Variants in SGK3 observed in about 807,000 individuals in gnomAD.
The protein encoded by SGK3 is serine/threonine-protein kinase Sgk3.
A neutral mutation model predicts 68.5 loss-of-function variants in SGK3; 47 were observed. That is an observed-to-expected ratio of 0.69 (90% confidence interval 0.54 to 0.87). The LOEUF is 0.87. Among genes scored for constraint, SGK3 ranks in the 40% least tolerant of loss-of-function variants. SGK3 has a pLI of 0.00. For missense variants in SGK3, 479 were observed against 575.5 expected (o/e 0.83, Z 1.72); for synonymous variants, 181 against 189.1 (o/e 0.96, Z 0.35).
At chr8:66,718,418 A>ATG (rs200591148) in intron 1 of SGK3, among the ~76,000 whole-genome samples, 3,573 of 150,786 alleles carry the variant, frequency 0.024, 57 homozygotes, top group Admixed American at 0.044. Context: ...AAATATATAT[A>ATG]TGTGTATATA....
At chr8:66,831,556 C>T (rs1809302505) in intron 8 of SGK3, among the ~76,000 whole-genome samples, 2 of 152,130 alleles carry the variant, frequency 1.3e-5, no homozygotes, top group South Asian at 4.1e-4. Flanking sequence ...CCAGGCTGGT[C>T]TCAAATTTCT....
At position 66,861,942 on chromosome 8, in the gene SGK3, A is replaced by G. The variant is rs1810756349; in HGVS notation, c.*2361A>G. ...CAATATTGTATATTTTTAAGAACAAATTTAAAATAGAATTTTGATGTTTCT... is the reference window on the plus strand; with the variant it reads ...CAATATTGTATATTTTTAAGAACAAGTTTAAAATAGAATTTTGATGTTTCT... On this transcript the variant is annotated 3_prime_UTR_variant, in exon 17 of 17. Transcript: ENST00000521198. 2 of 152,192 alleles carry G rather than the reference A, an allele frequency of 1.3e-5. No homozygotes were observed. The highest frequency in any genetic ancestry group is 2.9e-5 in the Non-Finnish European group (2 of 68,040). The allele number at this position is 152,192 out of a possible 1,614,324, so 9.4% of individuals were successfully genotyped here.
rs370568288 is a variant in SGK3 at position 66,713,771 on chromosome 8, G to A, written c.-122+938G>A. On this transcript the variant is annotated intron_variant, in intron 1 of 16. Coordinates refer to ENST00000521198, the MANE Select transcript of SGK3 (RefSeq NM_001033578.3). The stretch of plus-strand genomic sequence containing the variant: ...AACTTATCATATTATAGCGGTTCTA[G>A]CAATGAAGAGGCTATCCATACTTTA... Among the ~76,000 whole-genome samples the A allele has an allele frequency of 3.3e-5, 5 of 152,258 alleles. No homozygotes were observed. In the South Asian group the frequency reaches 8.3e-4, roughly 25 times the overall value.
chr8:66,756,028 G>A (rs1805963805), intron 1 of SGK3, among the ~76,000 whole-genome samples: 1 of 152,066 alleles, frequency 6.6e-6, no homozygotes, highest in Non-Finnish European at 1.5e-5. Context: ...GACTGTATTT[G>A]GAGACAGGAT....
intron 1 of SGK3, among the ~76,000 whole-genome samples, chr8:66,745,829 G>A (rs1047948575): frequency 2.4e-4 from 37 of 152,150 alleles, no homozygotes; most frequent in Admixed American, 1.8e-3. Flanking sequence ...CAGAAGGGAA[G>A]AATACTGTGT....
At chr8:66,724,279 C>T (rs1275609171) in intron 1 of SGK3, among the ~76,000 whole-genome samples, 4 of 152,140 alleles carry the variant, frequency 2.6e-5, no homozygotes, top group Non-Finnish European at 5.9e-5. Context: ...CATACCCAGC[C>T]TATTTCTCCT....
At chr8:66,844,276 A>C (rs1261690598) in intron 14 of SGK3, among the ~76,000 whole-genome samples, 1 of 152,120 alleles carries the variant, frequency 6.6e-6, no homozygotes, top group East Asian at 1.9e-4. Context: ...TATTTTGTTT[A>C]ATAGATTTAA....
chr8:66,796,568 G>T (rs913388694), intron 2 of SGK3, among the ~76,000 whole-genome samples: 17 of 151,848 alleles, frequency 1.1e-4, no homozygotes, highest in African/African-American at 4.1e-4. Context: ...GAAGTGCTGG[G>T]ATTACAGGAA....
chr8:66,731,468 C>T (rs1413406663), intron 1 of SGK3, among the ~76,000 whole-genome samples: 1 of 152,120 alleles, frequency 6.6e-6, no homozygotes, highest in East Asian at 1.9e-4. Flanking sequence ...CTATTCAAAC[C>T]AAATTAAATT....
intron 1 of SGK3, chr8:66,775,285 C>A (rs1806655689): frequency 6.6e-6 from 1 of 152,354 alleles, no homozygotes; most frequent in Non-Finnish European, 1.5e-5. Flanking sequence ...GGCGGCGCTT[C>A]CCATTCGCCA....
At chr8:66,818,132 C>CA (rs532062180) in intron 5 of SGK3, among the ~76,000 whole-genome samples, 337 of 151,524 alleles carry the variant, frequency 2.2e-3, no homozygotes, top group African/African-American at 7.2e-3. Flanking sequence ...ACAGCAAAAG[C>CA]AAAAAAACAA....
chr8:66,713,301 C>T (rs529914023), intron 1 of SGK3, among the ~76,000 whole-genome samples: 1 of 152,212 alleles, frequency 6.6e-6, no homozygotes, highest in South Asian at 2.1e-4. Context: ...TACGTCTCTT[C>T]AAGTGAATCT....
At chr8:66,804,578 A>G (rs2130612918) in intron 4 of SGK3, 131 bp downstream of exon 4, 2 of 922,688 alleles carry the variant, frequency 2.2e-6, no homozygotes, top group South Asian at 3.9e-5. Flanking sequence ...ATAATGCCGC[A>G]GGAAGGTGCT....
intron 3 of SGK3, among the ~76,000 whole-genome samples, chr8:66,800,958 G>C (rs1383603092): frequency 2.0e-5 from 3 of 152,138 alleles, no homozygotes; most frequent in African/African-American, 7.2e-5. Context: ...ACACCCTTGA[G>C]ACCCTGTCTC....
intron 2 of SGK3, among the ~76,000 whole-genome samples, chr8:66,794,486 A>G (rs745334833): frequency 3.9e-5 from 6 of 152,098 alleles, no homozygotes; most frequent in Non-Finnish European, 8.8e-5. Context: ...CCTGAAAAAA[A>G]AAAAGCCACT....
At chr8:66,811,933 T>C (rs1188088041) in intron 4 of SGK3, among the ~76,000 whole-genome samples, 3 of 152,114 alleles carry the variant, frequency 2.0e-5, no homozygotes, top group Non-Finnish European at 4.4e-5. Context: ...AAGAGTTTAA[T>C]GAGATACCTA....
chr8:66,780,363 A>C (rs1388537496), intron 1 of SGK3, among the ~76,000 whole-genome samples: 7 of 152,248 alleles, frequency 4.6e-5, no homozygotes, highest in African/African-American at 7.2e-5. Context: ...AATAAGTCAC[A>C]GTTCCCACAC....
intron 1 of SGK3, among the ~76,000 whole-genome samples, chr8:66,762,666 T>C (rs1385656781): frequency 6.6e-6 from 1 of 152,226 alleles, no homozygotes; most frequent in Non-Finnish European, 1.5e-5. Context: ...AGTTGTTTAG[T>C]CTAATCAAGA....
chr8:66,761,300 T>A (rs369930573), intron 1 of SGK3, among the ~76,000 whole-genome samples: 55 of 152,160 alleles, frequency 3.6e-4, no homozygotes, highest in African/African-American at 1.3e-3. Context: ...GTGAACCTGA[T>A]TTTTGGGTTT....
Sources: allele counts gnomAD v4.1 joint callset (sites outside exome capture counted in the v4.1 genomes callset), GRCh38; gene constraint gnomAD v4.1.1; transcripts MANE v1.5; gene names NCBI Gene and HGNC (gene_info 2026-07-23, HGNC 2026-07-21).